The following ANGPTL5 variants were observed in gnomAD, a reference collection of about 807,000 sequenced individuals.
ANGPTL5 encodes the protein angiopoietin like 5.
In ANGPTL5, 34 loss-of-function variants were observed where a neutral mutation model predicts 39.4. The observed-to-expected ratio is 0.86, with a 90% CI of 0.66 to 1.15. ANGPTL5 has a LOEUF of 1.15. Among genes scored for constraint, ANGPTL5 ranks in the 50% most tolerant of loss-of-function variants. The probability of loss-of-function intolerance (pLI) is 0.00; values close to 1 mark genes in which losing one functional copy is unlikely to be tolerated. For synonymous variants in ANGPTL5, 146 were observed against 152.1 expected (o/e 0.96, Z 0.29); for missense variants, 467 against 457.5 (o/e 1.02, Z -0.19).
intron 6 of ANGPTL5, among the ~76,000 whole-genome samples, chr11:101,900,831 A>T (rs1939881649): frequency 6.6e-6 from 1 of 152,012 alleles, no homozygotes; most frequent in African/African-American, 2.4e-5. Flanking sequence ...CATTTTTAAA[A>T]ATATGTATTT....
intron 5 of ANGPTL5, among the ~76,000 whole-genome samples, chr11:101,903,524 T>A (rs951521222): frequency 1.3e-5 from 2 of 152,142 alleles, no homozygotes; most frequent in African/African-American, 4.8e-5. Flanking sequence ...ATTTACGTAG[T>A]AAGGTATTAC....
chr11:101,911,113 T>A (rs1940085405), intron 1 of ANGPTL5, among the ~76,000 whole-genome samples: 1 of 73,740 alleles, frequency 1.4e-5, no homozygotes, highest in Non-Finnish European at 2.6e-5. Flanking sequence ...TTTTTTTTTT[T>A]TTTTTTTTTT....
Position 101,900,482 on chromosome 11 carries a change from A to C in ANGPTL5, c.609T>G (p.Ile203Met), listed in dbSNP as rs1422557228. 2 of 1,613,344 alleles carry C rather than the reference A, an allele frequency of 1.2e-6. No homozygotes were observed. The highest frequency in any genetic ancestry group is 2.2e-5 in the South Asian group (2 of 91,072). Reference sequence around the variant, plus strand: ...AATCACACCACAACCTCTGGAAATCAATTATCCCATCAATTCTTTTCTGTA... The same window carrying C: ...AATCACACCACAACCTCTGGAAATCCATTATCCCATCAATTCTTTTCTGTA... ...TVIQKRIDGI[I>M]DFQRLWCDYL... Residue 203 changes from isoleucine (I) to methionine (M), a missense_variant, in exon 7 of 9, where the codon ATT becomes ATG. Physicochemically the swap from Ile to Met is conservative, Grantham distance 10 (BLOSUM62 1). Coordinates refer to ENST00000334289, the MANE Select transcript of ANGPTL5 (RefSeq NM_178127.5).
chr11:101,895,723 C>T (rs1206442637), intron 7 of ANGPTL5, among the ~76,000 whole-genome samples: 2 of 152,158 alleles, frequency 1.3e-5, no homozygotes, highest in African/African-American at 2.4e-5. Flanking sequence ...CTCCCCAACT[C>T]GGACTGCATA....
chr11:101,894,187 G>A (rs1304063908), intron 8 of ANGPTL5, among the ~76,000 whole-genome samples: 1 of 152,096 alleles, frequency 6.6e-6, no homozygotes, highest in Admixed American at 6.5e-5. Context: ...ATTGGGAGCA[G>A]TTAAAGACCT....
chr11:101,892,977 C>T (rs1443379591), intron 8 of ANGPTL5, among the ~76,000 whole-genome samples: 1 of 152,170 alleles, frequency 6.6e-6, no homozygotes, highest in Admixed American at 6.5e-5. Context: ...ATCTCCAACA[C>T]CCACACAGTG....
At chr11:101,915,520 A>G in intron 1 of ANGPTL5, 5 of 1,355,610 alleles carry the variant, frequency 3.7e-6, no homozygotes, top group Non-Finnish European at 5.1e-6. Context: ...AAAACTAGCA[A>G]GTCATCTTAG....
At position 101,894,962 on chromosome 11, in the gene ANGPTL5, GCAAGAGTGT is replaced by G; in HGVS notation, c.755_763del (p.Asp252_Leu254del). The G allele has an allele frequency of 1.2e-6, 2 of 1,612,390 alleles. No individual in the cohort carries two copies. The highest frequency in any genetic ancestry group is 1.7e-6 in the Non-Finnish European group (2 of 1,178,622). ...CCAAAAATTATCATATGATGCATAAGCAAGAGTGTCATCTTCAGATTCCAAAGCCACATA... is the reference window on the plus strand; with the variant it reads ...CCAAAAATTATCATATGATGCATAAGCATCTTCAGATTCCAAAGCCACATA... On this transcript the variant is annotated inframe_deletion, in exon 8 of 9. Coordinates refer to ENST00000334289, the MANE Select transcript of ANGPTL5 (RefSeq NM_178127.5).
chr11:101,902,838 C>A, intron 5 of ANGPTL5, 117 bp from the exon 6 acceptor site: 1 of 637,672 alleles, frequency 1.6e-6, no homozygotes, highest in Non-Finnish European at 2.6e-6. Flanking sequence ...ATTATTTTAA[C>A]TTCTTCAAAA....
rs1052918772 is a variant in ANGPTL5 at position 101,890,716 on chromosome 11, A to G, written c.*563T>C. Reference sequence around the variant, plus strand: ...ATATATTTATTACAAACAATAACAAAATAGTTAACCATGATTAGATATGAA... The same window carrying G: ...ATATATTTATTACAAACAATAACAAGATAGTTAACCATGATTAGATATGAA... On this transcript the variant is annotated 3_prime_UTR_variant, in exon 9 of 9. Coordinates refer to ENST00000334289, the MANE Select transcript of ANGPTL5 (RefSeq NM_178127.5). 6.6e-6 allele frequency: 1 copy of G among 152,414 alleles called. No homozygotes were observed. The highest frequency in any genetic ancestry group is 2.4e-5 in the African/African-American group (1 of 41,454). The allele number at this position is 152,414 out of a possible 1,614,324, so 9.4% of individuals were successfully genotyped here.
In ANGPTL5 at chr11:101,891,462, A is replaced by G. The variant is rs200205730; in HGVS notation, c.984T>C (p.His328=). 4 of 1,614,114 alleles carry G rather than the reference A, an allele frequency of 2.5e-6. No homozygotes were observed. In the African/African-American group the frequency reaches 4.0e-5, roughly 16 times the overall value. The change falls in exon 9 of 9, where the codon CAT becomes CAC. Residue 328 remains histidine, a synonymous_variant. Coordinates refer to ENST00000334289, the MANE Select transcript of ANGPTL5 (RefSeq NM_178127.5). The part of the protein sequence containing the change: ...GQSVKSCSHL[H]NKTGWWFNEC... ...CGTTAAACCACCAGCCGGTCTTGTT[A>G]TGGAGGTGACTGCAGCTCTTCACAG...
chr11:101,908,799 A>AT (rs1940044344), intron 1 of ANGPTL5, among the ~76,000 whole-genome samples: 1 of 151,766 alleles, frequency 6.6e-6, no homozygotes, highest in South Asian at 2.1e-4. Context: ...AAAAAAAAAA[A>AT]ATTGCAAATT....
intron 8 of ANGPTL5, among the ~76,000 whole-genome samples, chr11:101,893,442 C>G (rs1441580154): frequency 6.6e-6 from 1 of 152,234 alleles, no homozygotes; most frequent in Non-Finnish European, 1.5e-5. Context: ...TCTATCATTA[C>G]ATTCTGCTGA....
chr11:101,891,682 AC>A, intron 8 of ANGPTL5, 84 bp from the exon 9 acceptor site: 2 of 1,296,352 alleles, frequency 1.5e-6, no homozygotes, highest in African/African-American at 1.5e-5. Context: ...AGGCAAGAGC[AC>A]CACATCTGGA....
chr11:101,897,137 G>A (rs1456529882), intron 7 of ANGPTL5, among the ~76,000 whole-genome samples: 1 of 152,172 alleles, frequency 6.6e-6, no homozygotes, highest in African/African-American at 2.4e-5. Flanking sequence ...TATGTGGTTG[G>A]CCGCTTAAAT....
chr11:101,906,582 A>T (rs894990373), intron 3 of ANGPTL5, among the ~76,000 whole-genome samples: 1 of 152,114 alleles, frequency 6.6e-6, no homozygotes, highest in Non-Finnish European at 1.5e-5. Context: ...ATAAACATTC[A>T]CTACCTATAT....
chr11:101,899,806 A>C (rs1939861999), intron 7 of ANGPTL5, among the ~76,000 whole-genome samples: 1 of 152,246 alleles, frequency 6.6e-6, no homozygotes, highest in Admixed American at 6.5e-5. Context: ...TAGCATAAAA[A>C]TTAGTAAACT....
rs1455890671 is a variant in ANGPTL5 at position 101,904,917 on chromosome 11, T to G, written c.346-10A>C. The G allele has an allele frequency of 1.9e-6, 3 of 1,592,762 alleles. No individual in the cohort carries two copies. Among genetic ancestry groups the G allele is most frequent in the Admixed American group, 1.7e-5 (1 of 59,970 alleles). Reference sequence around the variant, plus strand: ...TCATGAGCTCGTTAACCTAAACACATGCATACACATTTAAGTAAATTTATA... The same window carrying G: ...TCATGAGCTCGTTAACCTAAACACAGGCATACACATTTAAGTAAATTTATA... On this transcript the variant is annotated splice_polypyrimidine_tract_variant and intron_variant, in intron 4 of 8. Transcript: ENST00000334289.
intron 6 of ANGPTL5, among the ~76,000 whole-genome samples, chr11:101,901,321 G>T (rs1421227155): frequency 6.6e-6 from 1 of 150,872 alleles, no homozygotes; most frequent in Non-Finnish European, 1.5e-5. Context: ...GGGTGGGGGG[G>T]TGTGTGTGCA....
Sources: allele counts gnomAD v4.1 joint callset (sites outside exome capture counted in the v4.1 genomes callset), GRCh38; gene constraint gnomAD v4.1.1; transcripts MANE v1.5; gene names NCBI Gene and HGNC (gene_info 2026-07-23, HGNC 2026-07-21).